RASGEF1B: variants seen among roughly 807,000 people sequenced by gnomAD.
RASGEF1B encodes the protein RasGEF domain family member 1B.
In RASGEF1B, 30 loss-of-function variants were observed where a neutral mutation model predicts 65.7. The observed-to-expected ratio is 0.46, with a 90% CI of 0.34 to 0.62. The LOEUF is 0.62. Ranked by LOEUF, RASGEF1B falls within the 20% of genes least tolerant of loss-of-function variation. RASGEF1B has a pLI of 0.01. For synonymous variants in RASGEF1B, 175 were observed against 194.8 expected (o/e 0.90, Z 0.85); for missense variants, 495 against 580.1 (o/e 0.85, Z 1.51).
rs1722110544 is a variant in RASGEF1B, at chr4:81,448,194, T to C, written c.529A>G (p.Ile177Val). ...LSQYEEVLAK[I>V]SSTSTDRLTV... ...AGCCGATCTGTGGATGTGGAGCTGA[T>C]TTTTGCCAGGACTTCTTCGTACTGG... Residue 177 changes from isoleucine (I) to valine (V), a missense_variant, in exon 5 of 14, where the codon ATC becomes GTC. Ile to Val is a conservative substitution (Grantham distance 29, BLOSUM62 3). Coordinates refer to ENST00000264400, the MANE Select transcript of RASGEF1B (RefSeq NM_152545.3). The C allele has an allele frequency of 1.2e-6, 2 of 1,614,070 alleles. No homozygotes were observed. Among genetic ancestry groups the C allele is most frequent in the Non-Finnish European group, 1.7e-6 (2 of 1,180,022 alleles).
chr4:81,457,620 C>T lies in RASGEF1B; in HGVS notation c.179G>A (p.Arg60Lys). 1 of 1,613,310 alleles carries T rather than the reference C, an allele frequency of 6.2e-7. No individual in the cohort carries two copies. The highest frequency in any genetic ancestry group is 8.5e-7 in the Non-Finnish European group (1 of 1,179,784). The change falls in exon 3 of 14, where the codon AGA (arginine) becomes AAA (lysine). Residue 60 changes from arginine to lysine, a missense_variant and splice_region_variant. By Grantham distance (26) the Arg-to-Lys change is conservative. Transcript: ENST00000264400. Reference protein sequence around the residue: ...LVPNVDYYPDRTYIFTFLLSS... With the variant: ...LVPNVDYYPDKTYIFTFLLSS... ...GAGTAGGAAGGTAAATATGTATGTT[C>T]TCTGCAGCAACAGAAAAAAGTCATC...
At position 81,445,831 on chromosome 4, in the gene RASGEF1B, T is replaced by C. The variant is rs770893155; in HGVS notation, c.737A>G (p.Tyr246Cys). The C allele has an allele frequency of 8.7e-6, 14 of 1,612,744 alleles. No homozygotes were observed. Among genetic ancestry groups the C allele is most frequent in the South Asian group, 5.5e-5 (5 of 91,026 alleles). ...KDPLDNDKSCYSERKKTRNLE... is the reference protein window; with the variant it reads ...KDPLDNDKSCCSERKKTRNLE... ...GTTTCGTGTTTTCTTCCGTTCACTG[T>C]AGCAACTCTTTAGAGAAAACAAAGT... is the stretch of plus-strand genomic sequence containing the variant. The change falls in exon 7 of 14, where the codon TAC becomes TGC. Residue 246 changes from tyrosine to cysteine, a missense_variant. Coordinates refer to ENST00000264400, the MANE Select transcript of RASGEF1B (RefSeq NM_152545.3).
intron 9 of RASGEF1B, among the ~76,000 whole-genome samples, chr4:81,441,262 G>C (rs1721825969): frequency 1.3e-5 from 2 of 152,100 alleles, no homozygotes; most frequent in Admixed American, 6.5e-5. Context: ...GAAGGTCAAC[G>C]GGCCCGTTGA....
At chr4:81,435,238 C>T (rs1393997252) in intron 10 of RASGEF1B, among the ~76,000 whole-genome samples, 9 of 151,174 alleles carry the variant, frequency 6.0e-5, no homozygotes, top group East Asian at 2.0e-4. Context: ...GGTGAAACCC[C>T]GTCTCTACTA....
In RASGEF1B at chr4:81,457,547, G is replaced by A. The variant is rs1722490940; in HGVS notation, c.252C>T (p.Cys84=). The change falls in exon 3 of 14, where the codon TGC becomes TGT. Residue 84 remains cysteine, a synonymous_variant. Transcript: ENST00000264400. The stretch of plus-strand genomic sequence containing the variant: ...GTCTCTGGTGCTCAACACATAAGTG[G>A]CAAACTTTGGCCATTAGCTCATACG... ...MHPYELMAKV[C]HLCVEHQRLS... The A allele has an allele frequency of 1.2e-6, 2 of 1,613,830 alleles. No individual in the cohort carries two copies. The highest frequency in any genetic ancestry group is 1.7e-6 in the Non-Finnish European group (2 of 1,179,950).
rs139990671 is a variant in RASGEF1B, at chr4:81,456,745, G to A, written c.344C>T (p.Thr115Met). The change falls in exon 4 of 14, where the codon ACG becomes ATG. Residue 115 changes from threonine to methionine, a missense_variant. By Grantham distance (81) the Thr-to-Met change is moderately conservative (BLOSUM62 -1). Coordinates refer to ENST00000264400, the MANE Select transcript of RASGEF1B (RefSeq NM_152545.3). The stretch of plus-strand genomic sequence containing the variant: ...ATAGGGAAATGTTTCCGTCCATTCC[G>A]TGAGGAGTTGAAGGATTTTGGGTGC... ...KIAPKILQLL[T>M]EWTETFPYDF... The A allele has an allele frequency of 9.9e-6, 16 of 1,613,386 alleles. No homozygotes were observed. The highest frequency in any genetic ancestry group is 2.2e-5 in the East Asian group (1 of 44,886).
chr4:81,470,970 C>G (rs528368297), intron 1 of RASGEF1B: 1 of 152,258 alleles, frequency 6.6e-6, no homozygotes, highest in Non-Finnish European at 1.5e-5. Flanking sequence ...TTTCACAGCT[C>G]CCTTAGAAAG....
chr4:81,461,796 A>G (rs984636582), intron 1 of RASGEF1B, among the ~76,000 whole-genome samples: 1 of 152,268 alleles, frequency 6.6e-6, no homozygotes, highest in African/African-American at 2.4e-5. Context: ...ATCACAATCT[A>G]GTCCAATCTC....
chr4:81,449,840 A>G (rs1359121321), intron 4 of RASGEF1B, among the ~76,000 whole-genome samples: 1 of 152,242 alleles, frequency 6.6e-6, no homozygotes, highest in East Asian at 1.9e-4. Context: ...CAACATATCT[A>G]GAAATGGTTA....
At chr4:81,435,417 CAAAA>C (rs754067756) in intron 10 of RASGEF1B, among the ~76,000 whole-genome samples, 4 of 55,388 alleles carry the variant, frequency 7.2e-5, no homozygotes, top group Non-Finnish European at 1.3e-4. Context: ...GACTCCCTCT[CAAAA>C]AAAAAAAAAA....
rs2109989811 is a variant in RASGEF1B at position 81,456,713 on chromosome 4, GA to G, written c.375del (p.Arg126GlyfsTer5). 6.2e-7 allele frequency: 1 copy of G among 1,613,980 alleles called. No individual in the cohort carries two copies. The highest frequency in any genetic ancestry group is 1.1e-5 in the South Asian group (1 of 91,082). ...AAGTTTCTCATCATTCTTTCATCCCGAAAATCATAGGGAAATGTTTCCGTCC... is the reference window on the plus strand; with the variant it reads ...AAGTTTCTCATCATTCTTTCATCCCGAAATCATAGGGAAATGTTTCCGTCC... The part of the protein sequence containing the change: ...TEWTETFPYD[F>X]RDERMMRNLK... On this transcript the variant is annotated frameshift_variant, in exon 4 of 14. Transcript: ENST00000264400. LOFTEE classifies it high-confidence loss of function.
At chr4:81,435,635 ATTTTTT>A (rs1201507247) in intron 10 of RASGEF1B, among the ~76,000 whole-genome samples, 5 of 140,324 alleles carry the variant, frequency 3.6e-5, no homozygotes, top group Non-Finnish European at 7.8e-5. Context: ...TGCCCGGCTA[ATTTTTT>A]TTTTTTGTAT....
At chr4:81,456,066 C>T (rs750517911) in intron 4 of RASGEF1B, 1 of 160,978 alleles carries the variant, frequency 6.2e-6, no homozygotes, top group Non-Finnish European at 1.3e-5. Flanking sequence ...AATTACTATA[C>T]TTCCCCTTTT....
At chr4:81,445,401 T>C in intron 8 of RASGEF1B, 125 bp downstream of exon 8, 2 of 714,384 alleles carry the variant, frequency 2.8e-6, no homozygotes, top group South Asian at 1.8e-5. Flanking sequence ...TTGGGCATTC[T>C]CAAATAACTC....
Position 81,459,419 on chromosome 4 carries a change from C to A in RASGEF1B, c.90G>T (p.Gly30=). The change falls in exon 2 of 14, where the codon GGG becomes GGT. Residue 30 remains glycine (G), a synonymous_variant. Coordinates refer to ENST00000264400, the MANE Select transcript of RASGEF1B (RefSeq NM_152545.3). The stretch of plus-strand genomic sequence containing the variant: ...GGAGGTTGTTGTCATGGTAATACAA[C>A]CCTCCACAGCTGTCCTCTGCAGACT... ...LYQSAEDSCG[G]LYYHDNNLLS... is the part of the protein sequence containing the mutation. 1 of 1,613,588 alleles carries A rather than the reference C, an allele frequency of 6.2e-7. No homozygotes were observed. Among genetic ancestry groups the A allele is most frequent in the Middle Eastern group, 1.7e-4 (1 of 6,052 alleles).
At position 81,430,027 on chromosome 4, in the gene RASGEF1B, T is replaced by G. The variant is rs188326523; in HGVS notation, c.1398-2235A>C. 1.4e-3 allele frequency among the ~76,000 whole-genome samples: 217 copies of G among 152,254 alleles called. 2 individuals carry two copies. Among genetic ancestry groups the G allele is most frequent in the South Asian group, 3.9e-3 (19 of 4,822 alleles). On this transcript the variant is annotated intron_variant, in intron 13 of 13. Coordinates refer to ENST00000264400, the MANE Select transcript of RASGEF1B (RefSeq NM_152545.3). ...GAGAGCTACTTCCACTCAATAAAAC[T>G]TTGCACTCTCACGCCTGTAATCCCA...
intron 1 of RASGEF1B, among the ~76,000 whole-genome samples, chr4:81,468,621 C>T (rs1051691715): frequency 6.6e-5 from 10 of 152,082 alleles, no homozygotes; most frequent in African/African-American, 2.4e-4. Flanking sequence ...TTTTAATATT[C>T]ATACCTAAAG....
At chr4:81,468,067 C>A (rs1449829695) in intron 1 of RASGEF1B, among the ~76,000 whole-genome samples, 1 of 152,100 alleles carries the variant, frequency 6.6e-6, no homozygotes, top group African/African-American at 2.4e-5. Flanking sequence ...TCCCATATGA[C>A]TAGTGGCTAC....
At position 81,448,283 on chromosome 4, in the gene RASGEF1B, T is replaced by G; in HGVS notation, c.440A>C (p.Gln147Pro). 4 of 1,610,954 alleles carry G rather than the reference T, an allele frequency of 2.5e-6. No homozygotes were observed. Among genetic ancestry groups the G allele is most frequent in the Non-Finnish European group, 3.4e-6 (4 of 1,178,636 alleles). Residue 147 changes from glutamine (Q) to proline (P), a missense_variant and splice_region_variant, in exon 5 of 14, where the codon CAG becomes CCG. By Grantham distance (76) the Gln-to-Pro change is moderately conservative. Transcript: ENST00000264400. ...LAHRIASGEEQTYRKNVQQMM... is the reference protein window; with the variant it reads ...LAHRIASGEEPTYRKNVQQMM... ...TTGCTGGACATTCTTTCTGTATGTC[T>G]GCTAGGGAATAAGCGAAGAATTACA...
Sources: allele counts gnomAD v4.1 joint callset (sites outside exome capture counted in the v4.1 genomes callset), GRCh38; gene constraint gnomAD v4.1.1; transcripts MANE v1.5; gene names NCBI Gene and HGNC (gene_info 2026-07-23, HGNC 2026-07-21).